The following ABCA9 variants were observed in gnomAD, a reference collection of about 807,000 sequenced individuals.
The protein encoded by ABCA9 is ATP binding cassette subfamily A member 9, also known as ATP-binding cassette sub-family A member 9.
ABCA9 carries 183 observed loss-of-function variants against 205.3 expected under a neutral mutation model. That is an observed-to-expected ratio of 0.89 (90% CI 0.79 to 1.01). The LOEUF (loss-of-function observed/expected upper bound fraction) is 1.01. ABCA9 is among the 50% of genes least tolerant of loss of function. ABCA9 has a pLI of 0.00. For synonymous variants in ABCA9, 651 were observed against 683.3 expected, an observed-to-expected ratio of 0.95 and a Z score of 0.74; for missense variants, 1,805 against 1,912.4, an observed-to-expected ratio of 0.94 and a Z score of 1.05.
At chr17:68,984,020 C>T in intron 35 of ABCA9, 36 bp downstream of exon 35, 1 of 1,613,452 alleles carries the variant, frequency 6.2e-7, no homozygotes, top group African/African-American at 1.3e-5. Context: ...CAGCACACAA[C>T]CTAGGGGCTG....
In ABCA9 at chr17:69,043,665, T is replaced by C. The variant is rs1173823913; in HGVS notation, c.624A>G (p.Val208=). ...VMEQLMSVTG[V]HMKILPFVAQ... is the part of the protein sequence containing the mutation. Reference sequence around the variant, plus strand: ...CAACAAAAGGTAATATCTTCATATGTACACCAGTAACTGACATCAGCTGTT... The same window carrying C: ...CAACAAAAGGTAATATCTTCATATGCACACCAGTAACTGACATCAGCTGTT... The change falls in exon 6 of 39, where the codon GTA becomes GTG. Residue 208 remains valine (V), a synonymous_variant. Coordinates refer to ENST00000340001, the MANE Select transcript of ABCA9 (RefSeq NM_080283.4). 8 of 1,612,626 alleles carry C rather than the reference T, an allele frequency of 5.0e-6. No individual in the cohort carries two copies. The highest frequency in any genetic ancestry group is 1.7e-5 in the Admixed American group (1 of 59,672).
Position 68,984,137 on chromosome 17 carries a change from C to T in ABCA9, c.4418G>A (p.Gly1473Asp). 1 of 1,614,150 alleles carries T rather than the reference C, an allele frequency of 6.2e-7. No homozygotes were observed. The highest frequency in any genetic ancestry group is 1.6e-4 in the Middle Eastern group (1 of 6,062). Residue 1473 changes from glycine to aspartate, a missense_variant, in exon 35 of 39, where the codon GGC becomes GAC. By Grantham distance (94) the Gly-to-Asp change is moderately conservative (BLOSUM62 -1). Transcript: ENST00000340001. ...CATGTAGTGGGTGGTCAGGAGGGCG[C>T]CCCTCTCCGTGTTTCTAAAGGTGGC... ...IRATFRNTER[G>D]ALLTTHYMAE...
rs1445798155 is a variant in ABCA9, at chr17:69,000,961, C to T, written c.3436-4947G>A. On this transcript the variant is annotated intron_variant, in intron 25 of 38. Transcript: ENST00000340001. ...TATAGGAATGCTTGTGATTTTTGTA[C>T]ATTAATTTTGTATCCTGAGACTTTG... is the stretch of plus-strand genomic sequence containing the variant. Among the ~76,000 whole-genome samples, 14 of 151,236 alleles carry T rather than the reference C, an allele frequency of 9.3e-5. No homozygotes were observed. The East Asian group carries it at 2.7e-3, about 29-fold the overall frequency.
rs368033937 is a variant in ABCA9 at position 69,016,246 on chromosome 17, T to C, written c.3039+7A>G. 656 of 1,568,918 alleles carry C rather than the reference T, an allele frequency of 4.2e-4. No individual in the cohort carries two copies. Among genetic ancestry groups the C allele is most frequent in the Non-Finnish European group, 5.4e-4 (628 of 1,163,856 alleles). Reference sequence around the variant, plus strand: ...GCACAGTATAAATGAGATATAATTATACTTACTTCAAAAAATGTGCTTCTG... The same window carrying C: ...GCACAGTATAAATGAGATATAATTACACTTACTTCAAAAAATGTGCTTCTG... On this transcript the variant is annotated splice_region_variant and intron_variant, in intron 22 of 38. Transcript: ENST00000340001.
At chr17:69,016,628 C>T (rs1421502936) in intron 21 of ABCA9, among the ~76,000 whole-genome samples, 1 of 152,108 alleles carries the variant, frequency 6.6e-6, no homozygotes, top group Non-Finnish European at 1.5e-5. Context: ...GCCCAAACAT[C>T]ACAAAACAAA....
chr17:69,065,765 T>C (rs552284372), upstream of ABCA9, among the ~76,000 whole-genome samples: 3 of 152,244 alleles, frequency 2.0e-5, no homozygotes, highest in East Asian at 5.8e-4. Context: ...CCGGCAAATC[T>C]CGTCTTAAAT....
At chr17:69,078,103 T>C in the ABCA9 span, among the ~76,000 whole-genome samples, 1 of 152,100 alleles carries the variant, frequency 6.6e-6, no homozygotes, top group Non-Finnish European at 1.5e-5. Context: ...GTGACTCCCT[T>C]TATTTTCAAA....
intron 1 of ABCA9, among the ~76,000 whole-genome samples, chr17:69,059,103 C>T (rs530392527): frequency 1.2e-4 from 19 of 152,186 alleles, no homozygotes; most frequent in African/African-American, 3.9e-4. Context: ...CCTCCTCCTG[C>T]GTCCCTCCCA....
At chr17:69,075,651 G>C in the ABCA9 span, among the ~76,000 whole-genome samples, 1 of 152,084 alleles carries the variant, frequency 6.6e-6, no homozygotes, top group Non-Finnish European at 1.5e-5. Flanking sequence ...TAGCCTTATA[G>C]TATAGTTTGA....
intron 3 of ABCA9, 94 bp downstream of exon 3, chr17:69,049,189 C>T (rs2071817969): frequency 1.5e-6 from 2 of 1,311,122 alleles, no homozygotes; most frequent in Non-Finnish European, 2.1e-6. Context: ...ACTCTAGAAA[C>T]TTGAACATTC....
intron 10 of ABCA9, among the ~76,000 whole-genome samples, chr17:69,031,001 C>T (rs945383860): frequency 3.3e-5 from 5 of 152,140 alleles, no homozygotes; most frequent in African/African-American, 7.2e-5. Flanking sequence ...ACAGTAATGA[C>T]GCAGGACTGG....
In ABCA9 at chr17:69,043,720, A is replaced by G. The variant is rs374472585; in HGVS notation, c.574-5T>C. ...CACTGAATGATTTGTTGCGATCTGA[A>G]GAAAGATATCAATGAACAAATTGTT... is the stretch of plus-strand genomic sequence containing the variant. On this transcript the variant is annotated splice_polypyrimidine_tract_variant and splice_region_variant and intron_variant, in intron 5 of 38. Coordinates refer to ENST00000340001, the MANE Select transcript of ABCA9 (RefSeq NM_080283.4). The G allele has an allele frequency of 1.0e-5, 16 of 1,578,096 alleles. No individual in the cohort carries two copies. The African/African-American group carries it at 1.6e-4, about 16-fold the overall frequency.
chr17:69,070,014 G>A, the ABCA9 span, among the ~76,000 whole-genome samples: 1 of 152,092 alleles, frequency 6.6e-6, no homozygotes. Flanking sequence ...GAGCAAGACA[G>A]GAGAATTTAT....
chr17:68,991,875 A>G (rs2069464684), intron 28 of ABCA9, among the ~76,000 whole-genome samples: 1 of 152,112 alleles, frequency 6.6e-6, no homozygotes, highest in Non-Finnish European at 1.5e-5. Context: ...AACTTTCCCA[A>G]TGCTTATCTA....
the ABCA9 span, among the ~76,000 whole-genome samples, chr17:69,066,896 G>GT: frequency 1.3e-4 from 20 of 152,286 alleles, no homozygotes; most frequent in East Asian, 2.7e-3. Context: ...AGGAAAATTT[G>GT]TAAGGTTTAT....
the ABCA9 span, among the ~76,000 whole-genome samples, chr17:69,073,498 A>T: frequency 2.6e-5 from 4 of 152,220 alleles, no homozygotes; most frequent in Non-Finnish European, 5.9e-5. Context: ...CTCCTGAATG[A>T]CTACTGGGTA....
At chr17:69,030,285 T>C (rs2071115699) in intron 10 of ABCA9, among the ~76,000 whole-genome samples, 1 of 152,200 alleles carries the variant, frequency 6.6e-6, no homozygotes, top group Non-Finnish European at 1.5e-5. Flanking sequence ...ATTTGGCTTC[T>C]GATGAGGGCT....
At chr17:69,042,201 G>A (rs1228421154) in intron 6 of ABCA9, 5 of 152,082 alleles carry the variant, frequency 3.3e-5, no homozygotes, top group South Asian at 4.1e-4. Context: ...TGGCCATAAA[G>A]CTCCCCATAT....
intron 21 of ABCA9, among the ~76,000 whole-genome samples, chr17:69,017,074 G>A (rs1456789027): frequency 6.6e-6 from 1 of 152,114 alleles, no homozygotes; most frequent in East Asian, 1.9e-4. Flanking sequence ...AAGATATAAT[G>A]AGAACTATCT....
Sources: allele counts gnomAD v4.1 joint callset (sites outside exome capture counted in the v4.1 genomes callset), GRCh38; gene constraint gnomAD v4.1.1; transcripts MANE v1.5; gene names NCBI Gene and HGNC (gene_info 2026-07-23, HGNC 2026-07-21).